Variants in MYO1E observed in about 807,000 individuals in gnomAD.
MYO1E encodes unconventional myosin-Ie.
Under a neutral mutation model 151.1 loss-of-function variants are expected in MYO1E, and 68 were observed. The ratio of observed to expected loss-of-function variants is 0.45; its 90% CI spans 0.37 to 0.55. MYO1E has a LOEUF of 0.55. Ranked by LOEUF, MYO1E falls within the 20% of genes least tolerant of loss-of-function variation. The probability of loss-of-function intolerance (pLI) is 0.00; values close to 1 mark genes in which losing one functional copy is unlikely to be tolerated. For synonymous variants in MYO1E, 601 were observed against 501.7 expected, an observed-to-expected ratio of 1.20 and a Z score of -2.64; for missense variants, 1,363 against 1,389.3, an observed-to-expected ratio of 0.98 and a Z score of 0.30.
intron 1 of MYO1E, among the ~76,000 whole-genome samples, chr15:59,332,108 T>G (rs1308908420): frequency 6.6e-6 from 1 of 152,240 alleles, no homozygotes; most frequent in East Asian, 1.9e-4. Flanking sequence ...TAGCTTTTCC[T>G]TCCTTTACCA....
chr15:59,311,574 C>T (rs1204771280), intron 1 of MYO1E, among the ~76,000 whole-genome samples: 8 of 152,154 alleles, frequency 5.3e-5, no homozygotes, highest in Non-Finnish European at 1.2e-4. Flanking sequence ...ACAGAAATCA[C>T]ATGAGTTTAC....
chr15:59,236,363 A>AAAATAT (rs1387709265), intron 5 of MYO1E, among the ~76,000 whole-genome samples: 17 of 60,816 alleles, frequency 2.8e-4, no homozygotes, highest in African/African-American at 8.1e-4. Context: ...AAAAAAAAAA[A>AAAATAT]ATATATACAC....
Position 59,171,887 on chromosome 15 carries a change from C to G in MYO1E, c.2480+10G>C. 6.2e-7 allele frequency: 1 copy of G among 1,614,160 alleles called. No individual in the cohort carries two copies. The highest frequency in any genetic ancestry group is 8.5e-7 in the Non-Finnish European group (1 of 1,180,022). On this transcript the variant is annotated intron_variant, in intron 22 of 27. Coordinates refer to ENST00000288235, the MANE Select transcript of MYO1E (RefSeq NM_004998.4). ...AGGGGCAGTCCTGCCTCTGCACCTC[C>G]ACTACTCACCTGAGGGACACAGACA...
rs1442265906 is a variant in MYO1E, at chr15:59,188,111, T to A, written c.1904+7A>T. ...TTTAAAAAAGGCCAGAGTCACTAGT[T>A]CATTACCTCTGTAGGAATTTTTGGA... On this transcript the variant is annotated splice_region_variant and intron_variant, in intron 18 of 27. Coordinates refer to ENST00000288235, the MANE Select transcript of MYO1E (RefSeq NM_004998.4). 1 of 1,599,922 alleles carries A rather than the reference T, an allele frequency of 6.3e-7. No homozygotes were observed. Among genetic ancestry groups the A allele is most frequent in the East Asian group, 2.2e-5 (1 of 44,806 alleles).
At chr15:59,367,310 G>A (rs1043023466) in intron 1 of MYO1E, among the ~76,000 whole-genome samples, 1 of 152,148 alleles carries the variant, frequency 6.6e-6, no homozygotes, top group African/African-American at 2.4e-5. Context: ...AATGCACGCC[G>A]CTGCTCATTA....
chr15:59,203,387 T>TC (rs1468821299), intron 15 of MYO1E, among the ~76,000 whole-genome samples: 2 of 150,994 alleles, frequency 1.3e-5, no homozygotes, highest in Non-Finnish European at 1.5e-5. Flanking sequence ...ATACTTTCTT[T>TC]TTTTTTTTTT....
rs769572989 is a variant in MYO1E, at chr15:59,188,145, C to T, written c.1877G>A (p.Arg626Gln). Reference sequence around the variant, plus strand: ...CTGTAGGAATTTTTGGAAGATGCGCCGATAGGCATAGCCAGCTCTTCTCAC... The same window carrying T: ...CTGTAGGAATTTTTGGAAGATGCGCTGATAGGCATAGCCAGCTCTTCTCAC... ...IRVRRAGYAY[R>Q]RIFQKFLQRY... Residue 626 changes from arginine (R) to glutamine (Q), a missense_variant, in exon 18 of 28, where the codon CGG (arginine) becomes CAG (glutamine). Transcript: ENST00000288235. 22 of 1,613,912 alleles carry T rather than the reference C, an allele frequency of 1.4e-5. No individual in the cohort carries two copies. Among genetic ancestry groups the T allele is most frequent in the Admixed American group, 1.7e-5 (1 of 60,000 alleles).
At chr15:59,323,051 C>A (rs185391048) in intron 1 of MYO1E, among the ~76,000 whole-genome samples, 2 of 150,764 alleles carry the variant, frequency 1.3e-5, no homozygotes, top group South Asian at 4.2e-4. Context: ...CACCTGTAGT[C>A]CCAGCTACTC....
At chr15:59,353,638 T>C (rs1197580275) in intron 1 of MYO1E, among the ~76,000 whole-genome samples, 9 of 151,252 alleles carry the variant, frequency 6.0e-5, no homozygotes, top group African/African-American at 2.2e-4. Flanking sequence ...ACGCCTGTAA[T>C]CCCAGCTACT....
At chr15:59,294,722 CCAGT>C in intron 1 of MYO1E, among the ~76,000 whole-genome samples, 1 of 152,302 alleles carries the variant, frequency 6.6e-6, no homozygotes, top group Non-Finnish European at 1.5e-5. Flanking sequence ...CTCCTCCCTA[CCAGT>C]CAGTGAGGTT....
Position 59,285,122 on chromosome 15 carries a change from A to C in MYO1E, c.4-12673T>G, listed in dbSNP as rs150918225. 1.5e-3 allele frequency among the ~76,000 whole-genome samples: 233 copies of C among 152,226 alleles called. 1 individual carries two copies. Among genetic ancestry groups the C allele is most frequent in the Admixed American group, 3.2e-3 (49 of 15,294 alleles). On this transcript the variant is annotated intron_variant, in intron 1 of 27. Coordinates refer to ENST00000288235, the MANE Select transcript of MYO1E (RefSeq NM_004998.4). Reference sequence around the variant, plus strand: ...ATTCAGGAATGTAACTTTTCTTCCTAATCTAGCAAACTGATTAAAATCAAC... The same window carrying C: ...ATTCAGGAATGTAACTTTTCTTCCTCATCTAGCAAACTGATTAAAATCAAC...
chr15:59,192,959 G>A (rs1199918209), intron 17 of MYO1E, among the ~76,000 whole-genome samples: 1 of 150,636 alleles, frequency 6.6e-6, no homozygotes, highest in East Asian at 2.0e-4. Flanking sequence ...CTGTCAGACT[G>A]AAGGAGATCC....
At chr15:59,236,739 C>G in intron 4 of MYO1E, 67 bp from the exon 5 acceptor site, 1 of 1,343,892 alleles carries the variant, frequency 7.4e-7, no homozygotes, top group Non-Finnish European at 1.1e-6. Context: ...CCTTGTCTCC[C>G]CCATCACACA....
At chr15:59,188,362 G>A in intron 17 of MYO1E, 146 bp from the exon 18 acceptor site, 1 of 711,418 alleles carries the variant, frequency 1.4e-6, no homozygotes, top group Non-Finnish European at 2.5e-6. Flanking sequence ...ACACTGAGCT[G>A]ACCTCTCAGA....
chr15:59,163,652 T>C (rs2079549834), intron 22 of MYO1E, among the ~76,000 whole-genome samples: 2 of 152,210 alleles, frequency 1.3e-5, no homozygotes, highest in South Asian at 4.1e-4. Context: ...CAGAAAGTTA[T>C]GAATAGAATG....
At chr15:59,165,334 G>C (rs1170503949) in intron 22 of MYO1E, among the ~76,000 whole-genome samples, 7 of 152,142 alleles carry the variant, frequency 4.6e-5, no homozygotes, top group Non-Finnish European at 1.0e-4. Flanking sequence ...TCCTTTCATG[G>C]CCAGCTTACT....
chr15:59,203,595 C>A (rs1304197980), intron 15 of MYO1E, among the ~76,000 whole-genome samples: 5 of 152,084 alleles, frequency 3.3e-5, no homozygotes, highest in Non-Finnish European at 7.4e-5. Flanking sequence ...ACAGTGGTCT[C>A]GATCTCTTGA....
intron 25 of MYO1E, among the ~76,000 whole-genome samples, chr15:59,157,603 C>G (rs1168758483): frequency 1.3e-5 from 2 of 152,218 alleles, no homozygotes; most frequent in Non-Finnish European, 2.9e-5. Context: ...TCATCAGTCA[C>G]TAAGCAGCCA....
intron 1 of MYO1E, among the ~76,000 whole-genome samples, chr15:59,343,799 C>A (rs8041804): frequency 7.2e-5 from 11 of 151,884 alleles, no homozygotes; most frequent in African/African-American, 2.4e-4. Context: ...CTAACAGACT[C>A]TGACGCATTC....
Sources: allele counts gnomAD v4.1 joint callset (sites outside exome capture counted in the v4.1 genomes callset), GRCh38; gene constraint gnomAD v4.1.1; transcripts MANE v1.5; gene names NCBI Gene and HGNC (gene_info 2026-07-23, HGNC 2026-07-21).